Variants in INSIG2 observed in about 807,000 individuals in gnomAD.
INSIG2 encodes insulin induced gene 2.
In INSIG2, 10 loss-of-function variants were observed where a neutral mutation model predicts 27.2. That is an observed-to-expected ratio of 0.37 (90% CI 0.23 to 0.62). The LOEUF is 0.62. INSIG2 is among the 20% of genes least tolerant of loss of function. The pLI, the probability that INSIG2 is intolerant of heterozygous loss-of-function variation, is 0.65. For missense variants in INSIG2, 178 were observed against 270.2 expected (o/e 0.66, Z 2.39); for synonymous variants, 97 against 95.8 (o/e 1.01, Z -0.07).
intron 2 of INSIG2, among the ~76,000 whole-genome samples, chr2:118,099,796 G>GT (rs1678496454): frequency 6.6e-6 from 1 of 152,170 alleles, no homozygotes. Flanking sequence ...TCTACATCCA[G>GT]TTTCCAAGTC....
At position 118,092,577 on chromosome 2, in the gene INSIG2, T is replaced by C. The variant is rs184705243; in HGVS notation, c.-138-3842T>C. On this transcript the variant is annotated intron_variant, in intron 1 of 5. Coordinates refer to ENST00000245787, the MANE Select transcript of INSIG2 (RefSeq NM_016133.4). ...TTGAGATGGAATGGAATTCAAGGTA[T>C]AGAGGCAAGAGGATGGGTTTTGGAA... 4.7e-4 allele frequency among the ~76,000 whole-genome samples: 72 copies of C among 152,272 alleles called. 1 individual carries two copies. The highest frequency in any genetic ancestry group is 3.8e-3 in the Admixed American group (58 of 15,290).
At chr2:118,100,519 C>T (rs140213215) in intron 2 of INSIG2, among the ~76,000 whole-genome samples, 2,655 of 151,620 alleles carry the variant, frequency 0.018, 71 homozygotes, top group African/African-American at 0.058. Flanking sequence ...GCTGGGATTA[C>T]AGGCGCCCAC....
In INSIG2 at chr2:118,096,271, T is replaced by C. The variant is rs144727656; in HGVS notation, c.-138-148T>C. The C allele has an allele frequency of 1.1e-4, 29 of 267,266 alleles. No homozygotes were observed. In the East Asian group the frequency reaches 2.2e-3, roughly 20 times the overall value. The allele number at this position is 267,266 out of a possible 1,614,324, so 16.6% of individuals were successfully genotyped here. A position where few individuals can be genotyped will look rare whatever the true frequency, so the allele number is the denominator to read the frequency against. On this transcript the variant is annotated intron_variant, in intron 1 of 5. Coordinates refer to ENST00000245787, the MANE Select transcript of INSIG2 (RefSeq NM_016133.4). ...ACTTTTAAAACTTTTTCTTATTCAA[T>C]AAATAACTGTTAGTAATTTGAATAA...
chr2:118,095,462 T>C (rs1678384375), intron 1 of INSIG2, among the ~76,000 whole-genome samples: 2 of 152,208 alleles, frequency 1.3e-5, no homozygotes, highest in Non-Finnish European at 2.9e-5. Context: ...CTATAAAATG[T>C]ACATAATAAT....
intron 4 of INSIG2, 62 bp downstream of exon 4, chr2:118,106,965 T>A: frequency 6.4e-7 from 1 of 1,572,300 alleles, no homozygotes; most frequent in Non-Finnish European, 8.7e-7. Context: ...ATAACCGCTT[T>A]CAGAATTGAG....
At chr2:118,088,571 G>A (rs1395140866) in intron 1 of INSIG2, 30 bp downstream of exon 1, 1 of 152,906 alleles carries the variant, frequency 6.5e-6, no homozygotes, top group African/African-American at 2.4e-5. Context: ...GCGAAGCGCG[G>A]GTGACGTGGT....
At chr2:118,091,369 C>T (rs1678221691) in intron 1 of INSIG2, among the ~76,000 whole-genome samples, 1 of 152,286 alleles carries the variant, frequency 6.6e-6, no homozygotes, top group Admixed American at 6.5e-5. Flanking sequence ...GTAATAAGAA[C>T]TGATGGTACT....
rs757888831 is a variant in INSIG2 at position 118,096,814 on chromosome 2, G to A, written c.244+14G>A. The A allele has an allele frequency of 3.6e-5, 58 of 1,609,210 alleles. No homozygotes were observed. The highest frequency in any genetic ancestry group is 4.8e-5 in the Non-Finnish European group (57 of 1,179,154). On this transcript the variant is annotated intron_variant, in intron 2 of 5. Coordinates refer to ENST00000245787, the MANE Select transcript of INSIG2 (RefSeq NM_016133.4). ...GCACGGCTTCAGGTATGTGTAGGAT[G>A]TTTCTGTAATGCTTAGAAAGGAAAT... is the stretch of plus-strand genomic sequence containing the variant.
rs1267660423 is a variant in INSIG2, at chr2:118,103,354, ACAAAGTGGCTTCCAACAAAC to A, written c.369+39_369+58del. The A allele has an allele frequency of 3.2e-6, 5 of 1,571,556 alleles. No homozygotes were observed. The African/African-American group carries it at 6.8e-5, about 21-fold the overall frequency. ...TTACTCTGTAATGAAATGCATAATA[ACAAAGTGGCTTCCAACAAAC>A]CAAAGGTTAAACAGCCCCTTACAAC... On this transcript the variant is annotated intron_variant, in intron 3 of 5. Coordinates refer to ENST00000245787, the MANE Select transcript of INSIG2 (RefSeq NM_016133.4).
chr2:118,108,017 A>C (rs962787691), intron 5 of INSIG2, among the ~76,000 whole-genome samples: 1 of 152,156 alleles, frequency 6.6e-6, no homozygotes, highest in Non-Finnish European at 1.5e-5. Context: ...TAAATCATAT[A>C]CTGCCACTAC....
At chr2:118,107,956 C>CA (rs1430112037) in intron 5 of INSIG2, among the ~76,000 whole-genome samples, 1 of 152,110 alleles carries the variant, frequency 6.6e-6, no homozygotes, top group Non-Finnish European at 1.5e-5. Flanking sequence ...ATTGAATACT[C>CA]AAAGAAACCT....
chr2:118,093,105 AGG>A (rs1420943584), intron 1 of INSIG2, among the ~76,000 whole-genome samples: 2 of 113,652 alleles, frequency 1.8e-5, no homozygotes, highest in African/African-American at 6.8e-5. Context: ...ATGATGATGA[AGG>A]AGAGTTCTGT....
At chr2:118,101,200 A>G (rs1678536786) in intron 2 of INSIG2, among the ~76,000 whole-genome samples, 1 of 152,162 alleles carries the variant, frequency 6.6e-6, no homozygotes, top group Admixed American at 6.5e-5. Flanking sequence ...CCATGCCTTT[A>G]TTTAAAGGAA....
At chr2:118,093,848 AGAT>A (rs78784343) in intron 1 of INSIG2, among the ~76,000 whole-genome samples, 7,396 of 67,166 alleles carry the variant, frequency 0.11, 1,237 homozygotes, top group African/African-American at 0.17. Flanking sequence ...GAAAGCAACC[AGAT>A]GATGATGATG....
chr2:118,088,767 G>C (rs528835137), intron 1 of INSIG2: 1 of 152,696 alleles, frequency 6.5e-6, no homozygotes, highest in South Asian at 2.1e-4. Flanking sequence ...GATCGGGGAG[G>C]GGGTATAGGA....
intron 2 of INSIG2, among the ~76,000 whole-genome samples, chr2:118,100,373 CTTTTT>C (rs70949913): frequency 1.2e-5 from 1 of 81,500 alleles, no homozygotes; most frequent in Admixed American, 1.8e-4. Flanking sequence ...ACTCTTTTGC[CTTTTT>C]TTTTTTTTTT....
At chr2:118,100,373 CTT>C (rs70949913) in intron 2 of INSIG2, among the ~76,000 whole-genome samples, 4,714 of 80,876 alleles carry the variant, frequency 0.058, 40 homozygotes, top group Admixed American at 0.13. Context: ...ACTCTTTTGC[CTT>C]TTTTTTTTTT....
chr2:118,090,505 G>T (rs368588296), intron 1 of INSIG2, among the ~76,000 whole-genome samples: 1 of 152,124 alleles, frequency 6.6e-6, no homozygotes, highest in African/African-American at 2.4e-5. Flanking sequence ...TTAATAGGCA[G>T]CCATACACCT....
intron 1 of INSIG2, 165 bp downstream of exon 1, chr2:118,088,706 G>A (rs1208671424): frequency 1.3e-5 from 2 of 152,702 alleles, no homozygotes; most frequent in East Asian, 1.9e-4. Flanking sequence ...TGCAGGGCAA[G>A]GGGCTCCGCT....
Sources: allele counts gnomAD v4.1 joint callset (sites outside exome capture counted in the v4.1 genomes callset), GRCh38; gene constraint gnomAD v4.1.1; transcripts MANE v1.5; gene names NCBI Gene and HGNC (gene_info 2026-07-23, HGNC 2026-07-21).